The following KHDRBS2 variants were observed in gnomAD, a reference collection of about 807,000 sequenced individuals.
KHDRBS2 encodes KH domain-containing, RNA-binding, signal transduction-associated protein 2.
KHDRBS2 carries 26 observed loss-of-function variants against 44.3 expected under a neutral mutation model. That is an observed-to-expected ratio of 0.59 (90% CI 0.43 to 0.81). The LOEUF (loss-of-function observed/expected upper bound fraction) is 0.81. Among genes scored for constraint, KHDRBS2 ranks in the 40% least tolerant of loss-of-function variants. The pLI is 0.00. For missense variants in KHDRBS2, 476 were observed against 433.1 expected (o/e 1.10, Z -0.88); for synonymous variants, 194 against 151.1 (o/e 1.28, Z -2.08).
chr6:61,670,771 A>C, the KHDRBS2 span, among the ~76,000 whole-genome samples: 1 of 144,532 alleles, frequency 6.9e-6, no homozygotes, highest in Non-Finnish European at 1.6e-5. Flanking sequence ...TCAAAATTTT[A>C]TGAACAGAGA....
chr6:61,895,598 T>A (rs1444798106), intron 5 of KHDRBS2, among the ~76,000 whole-genome samples: 1 of 152,230 alleles, frequency 6.6e-6, no homozygotes, highest in African/African-American at 2.4e-5. Context: ...TGACTTGCAC[T>A]AAAAGTGTAA....
intron 1 of KHDRBS2, among the ~76,000 whole-genome samples, chr6:62,210,961 G>C (rs1828945567): frequency 6.6e-6 from 1 of 152,006 alleles, no homozygotes; most frequent in Admixed American, 6.6e-5. Context: ...ATGAAATAAA[G>C]CTATCCAAAT....
At chr6:61,989,567 AT>A (rs1257831987) in intron 3 of KHDRBS2, among the ~76,000 whole-genome samples, 1 of 152,186 alleles carries the variant, frequency 6.6e-6, no homozygotes, top group African/African-American at 2.4e-5. Context: ...CTATAAAAAA[AT>A]GTGAGATTTC....
Position 61,745,287 on chromosome 6 carries a change from T to C in KHDRBS2, c.811-12523A>G, listed in dbSNP as rs112439720. 1.8e-3 allele frequency among the ~76,000 whole-genome samples: 276 copies of C among 152,276 alleles called. 2 individuals carry two copies. The highest frequency in any genetic ancestry group is 5.7e-3 in the African/African-American group (235 of 41,558). On this transcript the variant is annotated intron_variant, in intron 6 of 8. Coordinates refer to ENST00000281156, the MANE Select transcript of KHDRBS2 (RefSeq NM_152688.4). ...AGAAAGGATGTTAACTTTGTATTTT[T>C]TGAAAATATTCGGTTGTCAGTAGGT... is the stretch of plus-strand genomic sequence containing the variant.
chr6:61,858,861 C>T (rs1480902863), intron 6 of KHDRBS2, among the ~76,000 whole-genome samples: 1 of 151,746 alleles, frequency 6.6e-6, no homozygotes, highest in Non-Finnish European at 1.5e-5. Context: ...ATCGGGAAAC[C>T]TATTCAAGTA....
At chr6:61,955,164 A>C (rs1333391482) in intron 4 of KHDRBS2, among the ~76,000 whole-genome samples, 2 of 145,372 alleles carry the variant, frequency 1.4e-5, no homozygotes, top group Non-Finnish European at 3.0e-5. Flanking sequence ...ATGTATGTAT[A>C]CATATGTGTA....
At chr6:62,041,741 T>C (rs558546345) in intron 3 of KHDRBS2, among the ~76,000 whole-genome samples, 1 of 152,066 alleles carries the variant, frequency 6.6e-6, no homozygotes, top group Non-Finnish European at 1.5e-5. Flanking sequence ...AAGGAATTTG[T>C]CTAGATGCGA....
intron 1 of KHDRBS2, among the ~76,000 whole-genome samples, chr6:62,226,942 T>C (rs1831946353): frequency 6.6e-6 from 1 of 152,238 alleles, no homozygotes; most frequent in Admixed American, 6.5e-5. Context: ...TAGTATAGTT[T>C]GAAATCAGAT....
At chr6:62,262,574 T>C (rs1270586556) in intron 1 of KHDRBS2, among the ~76,000 whole-genome samples, 4 of 151,780 alleles carry the variant, frequency 2.6e-5, no homozygotes, top group Non-Finnish European at 5.9e-5. Flanking sequence ...ATTTGAAATA[T>C]AGGTTTTAAC....
chr6:61,591,846 T>G, the KHDRBS2 span, among the ~76,000 whole-genome samples: 5 of 152,168 alleles, frequency 3.3e-5, no homozygotes, highest in Non-Finnish European at 7.4e-5. Context: ...ACTTTCCCTT[T>G]GCCTTCTGAA....
At chr6:61,657,556 A>G in the KHDRBS2 span, among the ~76,000 whole-genome samples, 1 of 151,952 alleles carries the variant, frequency 6.6e-6, no homozygotes, top group Non-Finnish European at 1.5e-5. Context: ...AGCTCCATTA[A>G]CACCCCAAAC....
intron 3 of KHDRBS2, among the ~76,000 whole-genome samples, chr6:62,037,323 G>A (rs1238376303): frequency 1.3e-5 from 2 of 151,630 alleles, no homozygotes; most frequent in Admixed American, 6.6e-5. Context: ...TAAAGGACTC[G>A]ATTTGAGTGA....
chr6:61,721,018 C>T (rs1227670012), intron 7 of KHDRBS2, among the ~76,000 whole-genome samples: 4 of 151,190 alleles, frequency 2.6e-5, no homozygotes, highest in Admixed American at 6.6e-5. Flanking sequence ...TTTCCCAGCA[C>T]CATTTATTAA....
chr6:61,973,734 TTA>T (rs1285441383), intron 4 of KHDRBS2, among the ~76,000 whole-genome samples: 1 of 152,158 alleles, frequency 6.6e-6, no homozygotes, highest in Non-Finnish European at 1.5e-5. Flanking sequence ...TTCCTTTAAA[TTA>T]TATAGACCTC....
chr6:61,747,487 CCAAT>C (rs1348776439), intron 6 of KHDRBS2, among the ~76,000 whole-genome samples: 8 of 152,274 alleles, frequency 5.3e-5, no homozygotes, highest in African/African-American at 9.6e-5. Context: ...AATTTAAGAA[CCAAT>C]CACTTACATT....
At chr6:61,667,125 C>T in the KHDRBS2 span, among the ~76,000 whole-genome samples, 1 of 148,102 alleles carries the variant, frequency 6.8e-6, no homozygotes, top group Non-Finnish European at 1.5e-5. Context: ...ATCCAATAGC[C>T]GCAAAGTACT....
chr6:61,546,915 T>A, the KHDRBS2 span, among the ~76,000 whole-genome samples: 3 of 152,144 alleles, frequency 2.0e-5, no homozygotes, highest in South Asian at 6.2e-4. Context: ...TCCAACCAGA[T>A]TATTCCAGTT....
intron 1 of KHDRBS2, among the ~76,000 whole-genome samples, chr6:62,242,249 C>A (rs771531157): frequency 1.1e-4 from 16 of 152,128 alleles, no homozygotes; most frequent in Non-Finnish European, 5.9e-5. Flanking sequence ...AACATTCTAT[C>A]TATATCAGCC....
the KHDRBS2 span, among the ~76,000 whole-genome samples, chr6:61,600,445 TGCCA>T: frequency 2.6e-5 from 4 of 152,122 alleles, no homozygotes; most frequent in South Asian, 6.2e-4. Context: ...ACCCCGCCCC[TGCCA>T]GCCAGAGAAC....
Sources: gnomAD v4.1 joint callset for allele counts (sites outside exome capture counted in the v4.1 genomes callset) on GRCh38, gnomAD v4.1.1 for gene constraint, MANE v1.5 for transcripts, NCBI Gene and HGNC (gene_info 2026-07-23, HGNC 2026-07-21) for gene names.